SOHLH2: variants seen among roughly 807,000 people sequenced by gnomAD.
The protein encoded by SOHLH2 is spermatogenesis and oogenesis specific basic helix-loop-helix 2.
A neutral mutation model predicts 50.4 loss-of-function variants in SOHLH2; 22 were observed. The observed-to-expected ratio is 0.44, with a 90% CI of 0.31 to 0.62. SOHLH2 has a LOEUF of 0.62. Ranked by LOEUF, SOHLH2 falls within the 20% of genes least tolerant of loss-of-function variation. The pLI, the probability that SOHLH2 is intolerant of heterozygous loss-of-function variation, is 0.08. For synonymous variants in SOHLH2, 185 were observed against 187.3 expected (o/e 0.99, Z 0.10); for missense variants, 412 against 504.4 (o/e 0.82, Z 1.76).
Position 36,168,812 on chromosome 13 carries a change from A to G in SOHLH2, c.*222T>C. The G allele has an allele frequency of 1.7e-6, 1 of 599,864 alleles. No homozygotes were observed. Among genetic ancestry groups the G allele is most frequent in the Non-Finnish European group, 2.6e-6 (1 of 385,060 alleles). The allele number at this position is 599,864 out of a possible 1,614,324, so 37.2% of individuals were successfully genotyped here. The stretch of plus-strand genomic sequence containing the variant: ...TAGCTCTCTGGCTGGCGGGGATCCA[A>G]GTGTGTATGAAGATGAGTGACAGTG... On this transcript the variant is annotated 3_prime_UTR_variant, in exon 11 of 11. Transcript: ENST00000379881.
chr13:36,173,908 C>G, intron 8 of SOHLH2, 98 bp from the exon 9 acceptor site: 5 of 1,366,018 alleles, frequency 3.7e-6, no homozygotes, highest in Non-Finnish European at 5.1e-6. Flanking sequence ...GTTCTAAAAA[C>G]ACTGATAAAG....
rs1300098218 is a variant in SOHLH2, at chr13:36,170,624, A to G, written c.1164T>C (p.His388=). The G allele has an allele frequency of 2.5e-6, 4 of 1,614,168 alleles. No individual in the cohort carries two copies. The African/African-American group carries it at 4.0e-5, about 16-fold the overall frequency. ...TAVTNQNISI[H]LPSAMPPVSK... ...AGACCGGGGGCATGGCTGAAGGTAA[A>G]TGAATTGAAATGTTCTGATTTGTTA... Residue 388 remains histidine, a synonymous_variant, in exon 10 of 11, where the codon CAT becomes CAC. Transcript: ENST00000379881.
chr13:36,198,846 A>G (rs1887811592), intron 2 of SOHLH2, among the ~76,000 whole-genome samples: 1 of 152,212 alleles, frequency 6.6e-6, no homozygotes, highest in African/African-American at 2.4e-5. Context: ...AATACTGAAC[A>G]TATATATGGC....
intron 5 of SOHLH2, 132 bp downstream of exon 5, chr13:36,191,663 T>C: frequency 1.0e-6 from 1 of 985,118 alleles, no homozygotes; most frequent in South Asian, 1.6e-5. Flanking sequence ...TGAATACTTC[T>C]GTAATGTGTA....
In SOHLH2 at chr13:36,179,615, G is replaced by C. The variant is rs1887194696; in HGVS notation, c.642-4746C>G. 2.0e-5 allele frequency among the ~76,000 whole-genome samples: 3 copies of C among 151,732 alleles called. No homozygotes were observed. The South Asian group carries it at 6.3e-4, about 32-fold the overall frequency. On this transcript the variant is annotated intron_variant, in intron 6 of 10. Coordinates refer to ENST00000379881, the MANE Select transcript of SOHLH2 (RefSeq NM_017826.3). The stretch of plus-strand genomic sequence containing the variant: ...TTTTGTAGAGGCGAGGTTTTGCCAT[G>C]TTGGCCTGGTCGGTCTTGAACTCCT...
chr13:36,168,772 G>T lies in SOHLH2; in HGVS notation c.*262C>A. ...GAGAAAAGAGAGTGTAGGTCACTGA[G>T]GCCATTTGTTCTTGTAGCTCTCTGG... is the stretch of plus-strand genomic sequence containing the variant. On this transcript the variant is annotated 3_prime_UTR_variant, in exon 11 of 11. Coordinates refer to ENST00000379881, the MANE Select transcript of SOHLH2 (RefSeq NM_017826.3). 2.1e-6 allele frequency: 1 copy of T among 467,230 alleles called. No homozygotes were observed. Among genetic ancestry groups the T allele is most frequent in the Non-Finnish European group, 3.7e-6 (1 of 269,474 alleles). 28.9% of individuals were successfully genotyped at this position (467,230 alleles called of 1,614,324 possible).
At chr13:36,195,468 C>A (rs1052763850) in intron 2 of SOHLH2, among the ~76,000 whole-genome samples, 1 of 152,190 alleles carries the variant, frequency 6.6e-6, no homozygotes, top group African/African-American at 2.4e-5. Flanking sequence ...GAGGGCTGGG[C>A]TCTGCTCACA....
intron 6 of SOHLH2, among the ~76,000 whole-genome samples, chr13:36,187,697 C>T (rs2138291560): frequency 6.6e-6 from 1 of 152,296 alleles, no homozygotes; most frequent in East Asian, 1.9e-4. Flanking sequence ...TCGAAAAATT[C>T]ATGTGAATTC....
At chr13:36,209,257 G>A (rs1473460393) in intron 1 of SOHLH2, among the ~76,000 whole-genome samples, 3 of 150,670 alleles carry the variant, frequency 2.0e-5, no homozygotes, top group Non-Finnish European at 4.4e-5. Flanking sequence ...GATTTTTTGG[G>A]TAATTTTTCA....
chr13:36,169,119 G>A, intron 10 of SOHLH2, 65 bp from the exon 11 acceptor site: 3 of 1,554,526 alleles, frequency 1.9e-6, no homozygotes, highest in Non-Finnish European at 2.6e-6. Flanking sequence ...ATAATGTCAT[G>A]ATTGTATTTT....
intron 6 of SOHLH2, 118 bp downstream of exon 6, chr13:36,189,828 T>G: frequency 1.0e-6 from 1 of 999,648 alleles, no homozygotes; most frequent in South Asian, 2.1e-5. Context: ...GGCATCTATT[T>G]GTTTGCTAAG....
At chr13:36,189,819 G>C in intron 6 of SOHLH2, 127 bp downstream of exon 6, 1 of 850,374 alleles carries the variant, frequency 1.2e-6, no homozygotes, top group Non-Finnish European at 1.7e-6. Flanking sequence ...TGAGTGAGTG[G>C]CATCTATTTG....
intron 2 of SOHLH2, among the ~76,000 whole-genome samples, chr13:36,196,001 G>A (rs1390246598): frequency 6.6e-6 from 1 of 151,992 alleles, no homozygotes; most frequent in African/African-American, 2.4e-5. Context: ...GTGGTGTGGT[G>A]ACACAGAGGG....
At chr13:36,198,291 A>G (rs993388820) in intron 2 of SOHLH2, among the ~76,000 whole-genome samples, 6 of 152,354 alleles carry the variant, frequency 3.9e-5, no homozygotes, top group Non-Finnish European at 5.9e-5. Context: ...TATACTGACG[A>G]GTTTAAAACA....
rs771419740 is a variant in SOHLH2 at position 36,173,798 on chromosome 13, C to T, written c.894G>A (p.Val298=). ...GTVMAQRENS[V]MSTYSPERGL... ...CTCTCTCAGGGGAGTAAGTGCTCAT[C>T]ACACTGTTTTCCCTTGAAAGGACAG... Residue 298 remains valine (V), a synonymous_variant, in exon 9 of 11, where the codon GTG becomes GTA. Transcript: ENST00000379881. The T allele has an allele frequency of 1.2e-6, 2 of 1,613,972 alleles. No homozygotes were observed. The highest frequency in any genetic ancestry group is 2.2e-5 in the South Asian group (2 of 91,072).
intron 6 of SOHLH2, among the ~76,000 whole-genome samples, chr13:36,177,904 T>G (rs1887136033): frequency 6.6e-6 from 1 of 152,022 alleles, no homozygotes; most frequent in African/African-American, 2.4e-5. Context: ...GCAAAAGTTT[T>G]AAATTTTGAT....
intron 1 of SOHLH2, among the ~76,000 whole-genome samples, chr13:36,208,347 T>C (rs1477923348): frequency 6.6e-6 from 1 of 152,238 alleles, no homozygotes; most frequent in Admixed American, 6.5e-5. Flanking sequence ...GTCAATTGTT[T>C]ATTTAAATCA....
intron 9 of SOHLH2, among the ~76,000 whole-genome samples, chr13:36,171,732 C>T (rs932813131): frequency 6.6e-6 from 1 of 152,194 alleles, no homozygotes; most frequent in African/African-American, 2.4e-5. Context: ...AAATCACTCT[C>T]TCCCCAAACT....
chr13:36,189,810 G>T, intron 6 of SOHLH2, 136 bp downstream of exon 6: 1 of 786,616 alleles, frequency 1.3e-6, no homozygotes, highest in Non-Finnish European at 1.9e-6. Flanking sequence ...AAGGCTGAAT[G>T]AGTGAGTGGC....
Sources: allele counts gnomAD v4.1 joint callset (sites outside exome capture counted in the v4.1 genomes callset), GRCh38; gene constraint gnomAD v4.1.1; transcripts MANE v1.5; gene names NCBI Gene and HGNC (gene_info 2026-07-23, HGNC 2026-07-21).